CDH13: variants seen among roughly 807,000 people sequenced by gnomAD.
CDH13 encodes the protein cadherin-13.
CDH13 carries 24 observed loss-of-function variants against 63.8 expected under a neutral mutation model. The ratio of observed to expected loss-of-function variants is 0.38; its 90% CI spans 0.27 to 0.53. The LOEUF is 0.53. CDH13 is among the 20% of genes least tolerant of loss of function. The probability of loss-of-function intolerance (pLI) is 0.85; values close to 1 mark genes in which losing one functional copy is unlikely to be tolerated. For missense variants in CDH13, 1,049 were observed against 903.1 expected (o/e 1.16, Z -2.07); for synonymous variants, 503 against 355.3 (o/e 1.42, Z -4.67).
chr16:83,183,882 G>A (rs531240259), intron 4 of CDH13, among the ~76,000 whole-genome samples: 5 of 152,220 alleles, frequency 3.3e-5, no homozygotes, highest in Admixed American at 1.3e-4. Context: ...CAGACATTAG[G>A]TGAATTGGTT....
intron 1 of CDH13, among the ~76,000 whole-genome samples, chr16:82,741,323 C>A (rs991547783): frequency 6.6e-6 from 1 of 152,334 alleles, no homozygotes; most frequent in East Asian, 1.9e-4. Flanking sequence ...TCTCTTTTCT[C>A]TCTCCCACCT....
At chr16:82,779,793 A>G (rs2035666217) in intron 1 of CDH13, among the ~76,000 whole-genome samples, 1 of 152,118 alleles carries the variant, frequency 6.6e-6, no homozygotes, top group Non-Finnish European at 1.5e-5. Flanking sequence ...GTAGTGGTAG[A>G]AAGATTTTGG....
chr16:83,118,462 T>C (rs1326302347), intron 3 of CDH13, among the ~76,000 whole-genome samples: 1 of 152,196 alleles, frequency 6.6e-6, no homozygotes, highest in Admixed American at 6.5e-5. Context: ...ATTTGACATC[T>C]GCACGCGTCT....
chr16:83,233,794 C>CA (rs1567526729), intron 5 of CDH13, among the ~76,000 whole-genome samples: 1 of 152,142 alleles, frequency 6.6e-6, no homozygotes, highest in Non-Finnish European at 1.5e-5. Flanking sequence ...TAGTTCACAA[C>CA]ATTAATCTTC....
At chr16:82,941,571 A>AT (rs1298114143) in intron 2 of CDH13, among the ~76,000 whole-genome samples, 1 of 152,182 alleles carries the variant, frequency 6.6e-6, no homozygotes, top group Non-Finnish European at 1.5e-5. Flanking sequence ...AGCACACTTT[A>AT]TTGAAATTCT....
intron 1 of CDH13, among the ~76,000 whole-genome samples, chr16:82,820,854 T>G (rs957165328): frequency 2.6e-5 from 4 of 152,222 alleles, no homozygotes; most frequent in African/African-American, 9.6e-5. Flanking sequence ...ACAACCAACG[T>G]TTGACTGCAA....
intron 2 of CDH13, among the ~76,000 whole-genome samples, chr16:82,937,164 G>T (rs1029907158): frequency 1.3e-5 from 2 of 152,112 alleles, no homozygotes; most frequent in Admixed American, 6.6e-5. Flanking sequence ...GGGTGGTCAC[G>T]CTACTGCTGC....
At chr16:83,288,596 C>A (rs143953001) in intron 5 of CDH13, among the ~76,000 whole-genome samples, 2 of 152,184 alleles carry the variant, frequency 1.3e-5, no homozygotes, top group Non-Finnish European at 2.9e-5. Context: ...GACCTCTCTG[C>A]GGTGACATTC....
At chr16:82,778,815 C>A (rs1473300611) in intron 1 of CDH13, among the ~76,000 whole-genome samples, 1 of 152,162 alleles carries the variant, frequency 6.6e-6, no homozygotes, top group African/African-American at 2.4e-5. Context: ...GCAAAGACCA[C>A]CACCTCCTTC....
chr16:82,663,454 G>T (rs1912211846), intron 1 of CDH13, among the ~76,000 whole-genome samples: 2 of 152,056 alleles, frequency 1.3e-5, no homozygotes, highest in South Asian at 4.2e-4. Flanking sequence ...CAAAATGCTG[G>T]GATTACAGGC....
At chr16:83,557,644 C>T (rs2150681700) in intron 7 of CDH13, among the ~76,000 whole-genome samples, 1 of 152,244 alleles carries the variant, frequency 6.6e-6, no homozygotes, top group East Asian at 1.9e-4. Context: ...ATAGGAAATG[C>T]CCTGGAGTTG....
chr16:82,740,121 C>G (rs755449378), intron 1 of CDH13, among the ~76,000 whole-genome samples: 48 of 152,204 alleles, frequency 3.2e-4, no homozygotes, highest in Middle Eastern at 6.8e-3. Flanking sequence ...ATAAGACTGA[C>G]CAGAAGGAGG....
intron 3 of CDH13, among the ~76,000 whole-genome samples, chr16:83,080,468 T>C (rs1454077596): frequency 1.3e-5 from 2 of 152,212 alleles, no homozygotes; most frequent in Non-Finnish European, 2.9e-5. Flanking sequence ...CCTGACCTTC[T>C]TGGGAGCCAG....
At chr16:83,136,079 A>G (rs2036269713) in intron 4 of CDH13, among the ~76,000 whole-genome samples, 1 of 151,940 alleles carries the variant, frequency 6.6e-6, no homozygotes, top group Non-Finnish European at 1.5e-5. Context: ...GTGTATTCTG[A>G]TCGGGTGATG....
chr16:83,289,686 T>A (rs1247146351), intron 5 of CDH13, among the ~76,000 whole-genome samples: 1 of 152,132 alleles, frequency 6.6e-6, no homozygotes, highest in Non-Finnish European at 1.5e-5. Flanking sequence ...GCTGGACCAT[T>A]TATCAGCTGC....
At chr16:83,303,635 G>A (rs918008224) in intron 5 of CDH13, among the ~76,000 whole-genome samples, 11 of 152,118 alleles carry the variant, frequency 7.2e-5, no homozygotes, top group African/African-American at 4.8e-5. Flanking sequence ...ATGGTTTGTA[G>A]GTAGATAAGG....
chr16:82,935,089 G>T (rs565780738), intron 2 of CDH13, among the ~76,000 whole-genome samples: 1 of 152,262 alleles, frequency 6.6e-6, no homozygotes, highest in South Asian at 2.1e-4. Context: ...CCTGAGACTG[G>T]GTGATTTATA....
chr16:83,292,730 AT>A (rs2089494221), intron 5 of CDH13, among the ~76,000 whole-genome samples: 2 of 152,156 alleles, frequency 1.3e-5, no homozygotes, highest in Non-Finnish European at 2.9e-5. Context: ...GTGACATTGT[AT>A]TTGTGAATAT....
rs555671450 is a variant in CDH13 at position 83,392,606 on chromosome 16, G to A, written c.781+47600G>A. On this transcript the variant is annotated intron_variant, in intron 6 of 13. Coordinates refer to ENST00000567109, the MANE Select transcript of CDH13 (RefSeq NM_001257.5). The stretch of plus-strand genomic sequence containing the variant: ...AGGTGTGCACACAGAAGGTACTGAC[G>A]GTTCTCTCTGAGCAGTTCCAAGCCC... Among the ~76,000 whole-genome samples the A allele has an allele frequency of 5.3e-5, 8 of 152,222 alleles. No individual in the cohort carries two copies. The South Asian group carries it at 1.7e-3, about 32-fold the overall frequency.
Sources: allele counts gnomAD v4.1 joint callset (sites outside exome capture counted in the v4.1 genomes callset), GRCh38; gene constraint gnomAD v4.1.1; transcripts MANE v1.5; gene names NCBI Gene and HGNC (gene_info 2026-07-23, HGNC 2026-07-21).